JAG2: variants seen among roughly 807,000 people sequenced by gnomAD.
JAG2 encodes the protein protein jagged-2.
In JAG2, 46 loss-of-function variants were observed where a neutral mutation model predicts 141.7. The observed-to-expected ratio is 0.32, with a 90% CI of 0.26 to 0.42. The LOEUF (loss-of-function observed/expected upper bound fraction) is 0.42, where lower values mean the gene tolerates loss of function less well. Ranked by LOEUF, JAG2 falls within the 10% of genes least tolerant of loss-of-function variation. JAG2 has a pLI of 1.00. For synonymous variants in JAG2, 862 were observed against 763.5 expected (o/e 1.13, Z -2.13); for missense variants, 1,500 against 1,817.5 (o/e 0.83, Z 3.18).
chr14:105,162,767 A>C (rs1050935017), intron 2 of JAG2, among the ~76,000 whole-genome samples: 12 of 102,052 alleles, frequency 1.2e-4, no homozygotes, highest in Non-Finnish European at 2.0e-4. Context: ...CCCATGGCCC[A>C]GTGTACCCAC....
At position 105,149,201 on chromosome 14, in the gene JAG2, G is replaced by C; in HGVS notation, c.1722C>G (p.Pro574=). 1 of 1,611,754 alleles carries C rather than the reference G, an allele frequency of 6.2e-7. No homozygotes were observed. The change falls in exon 13 of 26, where the codon CCC becomes CCG. Residue 574 remains proline (P), a synonymous_variant. Coordinates refer to ENST00000331782, the MANE Select transcript of JAG2 (RefSeq NM_002226.5). ...AGGCCCCGCCAGGGCACGGCTCGCGGGGCACGGAGCAGTTCTTGCCACCAA... is the reference window on the plus strand; with the variant it reads ...AGGCCCCGCCAGGGCACGGCTCGCGCGGCACGGAGCAGTTCTTGCCACCAA... The part of the protein sequence containing the change: ...DDFGGKNCSV[P]REPCPGGACR...
intron 2 of JAG2, among the ~76,000 whole-genome samples, chr14:105,163,485 C>T (rs1441340636): frequency 6.6e-6 from 1 of 152,202 alleles, no homozygotes; most frequent in East Asian, 1.9e-4. Context: ...GCCACAAAGC[C>T]CAGGGTACAA....
At chr14:105,148,092 G>A (rs924788252) in intron 17 of JAG2, 24 bp downstream of exon 17, 37 of 1,523,116 alleles carry the variant, frequency 2.4e-5, no homozygotes, top group East Asian at 4.9e-5. Context: ...CCCGGCGGTC[G>A]CAGAGGCAGC....
rs757783724 is a variant in JAG2, at chr14:105,150,664, C to T, written c.1542G>A (p.Glu514=). 5.8e-5 allele frequency: 90 copies of T among 1,550,240 alleles called. No homozygotes were observed. Among genetic ancestry groups the T allele is most frequent in the Non-Finnish European group, 7.8e-5 (90 of 1,146,990 alleles). ...SSPCHSGGLC[E]DLADGFHCHC... is the part of the protein sequence containing the mutation. ...GGCAGTGGAAGCCGTCGGCCAGGTC[C>T]TCGCAGAGGCCGCCGCTGTGGCAGG... is the stretch of plus-strand genomic sequence containing the variant. Residue 514 remains glutamate (E), a synonymous_variant, in exon 12 of 26, where the codon GAG becomes GAA. Coordinates refer to ENST00000331782, the MANE Select transcript of JAG2 (RefSeq NM_002226.5).
Position 105,142,499 on chromosome 14 carries a change from A to G in JAG2, c.*196T>C, listed in dbSNP as rs1888086654. On this transcript the variant is annotated 3_prime_UTR_variant, in exon 26 of 26. Transcript: ENST00000331782. ...AATAGCAACTATCCGAGAATACTCC[A>G]TTGTTTTCAGCCTGACAGTTACTGA... is the stretch of plus-strand genomic sequence containing the variant. 4 of 588,352 alleles carry G rather than the reference A, an allele frequency of 6.8e-6. No individual in the cohort carries two copies. Among genetic ancestry groups the G allele is most frequent in the Admixed American group, 3.2e-5 (1 of 31,442 alleles). The allele number at this position is 588,352 out of a possible 1,614,324, so 36.4% of individuals were successfully genotyped here.
At chr14:105,158,487 C>T (rs1172934806) in intron 2 of JAG2, among the ~76,000 whole-genome samples, 1 of 152,140 alleles carries the variant, frequency 6.6e-6, no homozygotes, top group East Asian at 1.9e-4. Flanking sequence ...GCCACCTGGC[C>T]CTTGTACCCC....
chr14:105,162,097 G>T (rs895169071), intron 2 of JAG2, among the ~76,000 whole-genome samples: 3 of 152,144 alleles, frequency 2.0e-5, no homozygotes, highest in Non-Finnish European at 2.9e-5. Flanking sequence ...GTGGGCTGGG[G>T]GTCTGGGGAC....
chr14:105,167,657 A>C lies in JAG2; in HGVS notation c.417+100T>G. ...CCCCGCCTGGGCGCGCGCGGCTCGC[A>C]CGCAGACCCGGCCGCAGGTGTTGGG... On this transcript the variant is annotated intron_variant, in intron 2 of 25. Transcript: ENST00000331782. This position sits in a 1 kb window ranked among gnomAD's most constrained non-coding sequence, Gnocchi z 4.8. 8.3e-7 allele frequency: 1 copy of C among 1,211,350 alleles called. No homozygotes were observed. Among genetic ancestry groups the C allele is most frequent in the Non-Finnish European group, 1.0e-6 (1 of 972,424 alleles). The allele number at this position is 1,211,350 out of a possible 1,614,324, so 75.0% of individuals were successfully genotyped here.
chr14:105,150,675 C>G lies in JAG2; in HGVS notation c.1531G>C (p.Gly511Arg). ...ECASSPCHSG[G>R]LCEDLADGFH... ...CCGTCGGCCAGGTCCTCGCAGAGGC[C>G]GCCGCTGTGGCAGGGGCTGCTGGCA... The change falls in exon 12 of 26, where the codon GGC (glycine) becomes CGC (arginine). Residue 511 changes from glycine to arginine, a missense_variant. Physicochemically the swap from Gly to Arg is moderately radical, Grantham distance 125. Around this residue, in one of 3 missense-constraint regions of JAG2, gnomAD observed 875 missense variants for 1,202.2 expected, o/e 0.73. Transcript: ENST00000331782. 1 of 1,551,212 alleles carries G rather than the reference C, an allele frequency of 6.4e-7. No individual in the cohort carries two copies. The highest frequency in any genetic ancestry group is 8.7e-7 in the Non-Finnish European group (1 of 1,147,416).
Position 105,168,527 on chromosome 14 carries a change from G to T in JAG2, c.-107C>A. The T allele has an allele frequency of 6.2e-6, 1 of 161,052 alleles. No individual in the cohort carries two copies. The highest frequency in any genetic ancestry group is 1.2e-5 in the Non-Finnish European group (1 of 80,272). The allele number at this position is 161,052 out of a possible 1,614,324, so 10.0% of individuals were successfully genotyped here. ...GCCCGCCCTCCGAGCGCCCGCAGAG[G>T]CAGCGGCAGCGGCAGAGGCGGCGGC... On this transcript the variant is annotated 5_prime_UTR_variant, in exon 1 of 26. Coordinates refer to ENST00000331782, the MANE Select transcript of JAG2 (RefSeq NM_002226.5).
Position 105,147,876 on chromosome 14 carries a change from C to T in JAG2, c.2261G>A (p.Ser754Asn). 6.4e-7 allele frequency: 1 copy of T among 1,552,480 alleles called. No individual in the cohort carries two copies. The highest frequency in any genetic ancestry group is 8.7e-7 in the Non-Finnish European group (1 of 1,149,482). The change falls in exon 18 of 26, where the codon AGC (serine) becomes AAC (asparagine). Residue 754 changes from serine (S) to asparagine (N), a missense_variant. This residue lies in a region of JAG2 where 875 missense variants were observed against 1,202.2 expected (regional missense o/e 0.73). Coordinates refer to ENST00000331782, the MANE Select transcript of JAG2 (RefSeq NM_002226.5). ...ATTCACACAGGGGTTGGGCAGGCAG[C>T]TGCTGTTCTTGGCTGTAAGGAGAGG... ...GSTCAVAKNSSCLPNPCVNGG... is the reference protein window; with the variant it reads ...GSTCAVAKNSNCLPNPCVNGG...
At chr14:105,166,571 G>A (rs1888917380) in intron 2 of JAG2, among the ~76,000 whole-genome samples, 1 of 152,246 alleles carries the variant, frequency 6.6e-6, no homozygotes, top group South Asian at 2.1e-4. Context: ...AGAGGAGACT[G>A]TGGCCAGCTT....
chr14:105,164,157 C>T (rs1200879326), intron 2 of JAG2, among the ~76,000 whole-genome samples: 1 of 152,024 alleles, frequency 6.6e-6, no homozygotes, highest in East Asian at 1.9e-4. Flanking sequence ...TCAGCCCACC[C>T]TCAGGGACCA....
chr14:105,156,681 C>T (rs1474304053), intron 3 of JAG2, among the ~76,000 whole-genome samples: 3 of 152,106 alleles, frequency 2.0e-5, no homozygotes, highest in Non-Finnish European at 4.4e-5. Context: ...AAAAGGTGAA[C>T]GGGTCCTCCA....
In JAG2 at chr14:105,146,600, A is replaced by G; in HGVS notation, c.2593+11T>C. ...ACCCGCCCCAACCCAGGGCAATCAC[A>G]CGGGGCCTACCTTCCTGGCACCGGG... is the stretch of plus-strand genomic sequence containing the variant. On this transcript the variant is annotated intron_variant, in intron 21 of 25. Coordinates refer to ENST00000331782, the MANE Select transcript of JAG2 (RefSeq NM_002226.5). The G allele has an allele frequency of 1.2e-6, 2 of 1,610,404 alleles. No homozygotes were observed. The highest frequency in any genetic ancestry group is 1.7e-6 in the Non-Finnish European group (2 of 1,177,936).
chr14:105,149,342 T>C, intron 12 of JAG2, 22 bp from the exon 13 acceptor site: 1 of 1,612,248 alleles, frequency 6.2e-7, no homozygotes, highest in Non-Finnish European at 8.5e-7. Flanking sequence ...GGGGTGCCTG[T>C]GAGAGCCTAG....
At chr14:105,149,503 C>T (rs587695083) in intron 12 of JAG2, among the ~76,000 whole-genome samples, 183 bp from the exon 13 acceptor site, 19 of 152,088 alleles carry the variant, frequency 1.2e-4, no homozygotes, top group East Asian at 9.8e-4. Flanking sequence ...CTTAGCTGAA[C>T]GCAGATACCT....
Position 105,152,247 on chromosome 14 carries a change from G to A in JAG2, c.833C>T (p.Pro278Leu). The change falls in exon 6 of 26, where the codon CCC becomes CTC. Residue 278 changes from proline to leucine, a missense_variant. This residue lies in a region of JAG2 where 875 missense variants were observed against 1,202.2 expected (regional missense o/e 0.73). Transcript: ENST00000331782. ...WQGRFCDECV[P>L]YPGCVHGSCV... ...ACTGCCATGCACGCAGCCGGGGTAG[G>A]GGACACACTCATCGCAGAACCTCCC... 6.2e-7 allele frequency: 1 copy of A among 1,613,440 alleles called. No individual in the cohort carries two copies. Among genetic ancestry groups the A allele is most frequent in the Non-Finnish European group, 8.5e-7 (1 of 1,179,994 alleles).
chr14:105,158,158 G>A (rs952639621), intron 2 of JAG2, among the ~76,000 whole-genome samples: 1 of 152,168 alleles, frequency 6.6e-6, no homozygotes, highest in East Asian at 1.9e-4. Flanking sequence ...GGACCCGAGC[G>A]TTTCCTGTGG....
Sources: allele counts gnomAD v4.1 joint callset (sites outside exome capture counted in the v4.1 genomes callset), GRCh38; gene constraint gnomAD v4.1.1; regional missense constraint gnomAD v4.1.1; non-coding constraint Gnocchi (gnomAD v3.1); transcripts MANE v1.5; gene names NCBI Gene and HGNC (gene_info 2026-07-23, HGNC 2026-07-21).